The following TLL2 variants were observed in gnomAD, a reference collection of about 807,000 sequenced individuals.
TLL2 encodes the protein tolloid like 2.
TLL2 carries 106 observed loss-of-function variants against 123.0 expected under a neutral mutation model. The ratio of observed to expected loss-of-function variants is 0.86; its 90% CI spans 0.74 to 1.01. TLL2 has a LOEUF of 1.01. Among genes scored for constraint, TLL2 ranks in the 50% least tolerant of loss-of-function variants. The pLI, the probability that TLL2 is intolerant of heterozygous loss-of-function variation, is 0.00. For synonymous variants in TLL2, 494 were observed against 516.8 expected, an observed-to-expected ratio of 0.96 and a Z score of 0.60; for missense variants, 1,332 against 1,336.7, an observed-to-expected ratio of 1.00 and a Z score of 0.06.
intron 2 of TLL2, among the ~76,000 whole-genome samples, chr10:96,447,954 G>A (rs1892216): frequency 0.45 from 68,995 of 151,812 alleles, 16,078 homozygotes; most frequent in East Asian, 0.72. Context: ...GGCTTCCCAC[G>A]CTGCTCAACC....
Position 96,513,514 on chromosome 10 carries a change from C to T in TLL2, c.172G>A (p.Ala58Thr), listed in dbSNP as rs777283565. ...QLEHYHDPCKAAVFWGDIALD... is the reference protein window; with the variant it reads ...QLEHYHDPCKTAVFWGDIALD... The stretch of plus-strand genomic sequence containing the variant: ...CTTCCCCAGCGGCGGCACCTACCGG[C>T]TTTGCAAGGGTCGTGGTAATGCTCC... The change falls in exon 1 of 21, where the codon GCC (alanine) becomes ACC (threonine). Residue 58 changes from alanine (A) to threonine (T), a missense_variant. Coordinates refer to ENST00000357947, the MANE Select transcript of TLL2 (RefSeq NM_012465.4). The T allele has an allele frequency of 2.5e-6, 4 of 1,612,572 alleles. No homozygotes were observed. In the South Asian group the frequency reaches 3.3e-5, roughly 13 times the overall value.
chr10:96,369,384 T>G (rs1358129925), intron 20 of TLL2, among the ~76,000 whole-genome samples: 11 of 152,196 alleles, frequency 7.2e-5, no homozygotes, highest in Non-Finnish European at 1.6e-4. Flanking sequence ...GAGCATTTGG[T>G]TTTGCTTGAG....
At chr10:96,506,382 A>G (rs1847580681) in intron 1 of TLL2, among the ~76,000 whole-genome samples, 1 of 152,004 alleles carries the variant, frequency 6.6e-6, no homozygotes, top group African/African-American at 2.4e-5. Context: ...TGTTCTCCAC[A>G]GTCTGGGGAG....
intron 2 of TLL2, among the ~76,000 whole-genome samples, chr10:96,480,115 C>T (rs1170532297): frequency 6.6e-6 from 1 of 152,196 alleles, no homozygotes; most frequent in South Asian, 2.1e-4. Context: ...GAGCTCCAGC[C>T]TGAACCCTCT....
At chr10:96,488,426 A>G (rs1847377635) in intron 1 of TLL2, among the ~76,000 whole-genome samples, 1 of 152,118 alleles carries the variant, frequency 6.6e-6, no homozygotes, top group African/African-American at 2.4e-5. Flanking sequence ...AGGCCCAGAG[A>G]GCCCCTTCCC....
chr10:96,447,090 TG>T (rs1846903020), intron 2 of TLL2, among the ~76,000 whole-genome samples: 1 of 152,214 alleles, frequency 6.6e-6, no homozygotes, highest in East Asian at 1.9e-4. Flanking sequence ...GTAGGTGGGA[TG>T]GCAGTGAGAT....
chr10:96,377,657 A>G (rs2134053450), intron 17 of TLL2, among the ~76,000 whole-genome samples: 1 of 152,284 alleles, frequency 6.6e-6, no homozygotes, highest in South Asian at 2.1e-4. Flanking sequence ...CTGTATCACA[A>G]ACACGGAGGC....
intron 2 of TLL2, among the ~76,000 whole-genome samples, chr10:96,451,423 T>C (rs1202471003): frequency 2.0e-5 from 3 of 152,220 alleles, no homozygotes; most frequent in Non-Finnish European, 4.4e-5. Flanking sequence ...CAGAAAGAGA[T>C]GGGCTTTTCC....
chr10:96,512,798 A>C (rs1311497842), intron 1 of TLL2, among the ~76,000 whole-genome samples: 1 of 152,206 alleles, frequency 6.6e-6, no homozygotes, highest in Non-Finnish European at 1.5e-5. Context: ...TCACGAGCCG[A>C]TCAGTGGCCC....
At chr10:96,493,677 C>G (rs942893155) in intron 1 of TLL2, among the ~76,000 whole-genome samples, 5 of 152,104 alleles carry the variant, frequency 3.3e-5, no homozygotes, top group Non-Finnish European at 7.4e-5. Context: ...TCAGGAGTCC[C>G]TCATTCTGGT....
intron 2 of TLL2, among the ~76,000 whole-genome samples, chr10:96,453,125 A>G (rs575885832): frequency 8.5e-5 from 13 of 152,346 alleles, no homozygotes; most frequent in African/African-American, 2.9e-4. Context: ...GTAACACTTC[A>G]TGAGGTAATT....
intron 2 of TLL2, among the ~76,000 whole-genome samples, chr10:96,463,631 G>A (rs972243488): frequency 1.3e-5 from 2 of 152,146 alleles, no homozygotes; most frequent in African/African-American, 2.4e-5. Flanking sequence ...CAGGGGGAGG[G>A]GGACACTGGG....
At chr10:96,473,253 G>C (rs12359296) in intron 2 of TLL2, among the ~76,000 whole-genome samples, 1 of 152,018 alleles carries the variant, frequency 6.6e-6, no homozygotes, top group Non-Finnish European at 1.5e-5. Flanking sequence ...TCAGGAGTTC[G>C]AGACCAGCCT....
At chr10:96,410,635 C>T (rs762156364) in intron 8 of TLL2, 161 bp from the exon 9 acceptor site, 3 of 701,618 alleles carry the variant, frequency 4.3e-6, no homozygotes, top group Non-Finnish European at 7.8e-6. Flanking sequence ...TTCTGGCTAA[C>T]AAAAGCACAA....
chr10:96,377,706 C>T lies in TLL2; in HGVS notation c.2321-887G>A, dbSNP rs1027736335. On this transcript the variant is annotated intron_variant, in intron 17 of 20. Coordinates refer to ENST00000357947, the MANE Select transcript of TLL2 (RefSeq NM_012465.4). ...AGCTGGAGAGGCAGGTGAGGAGGGC[C>T]GGGGGCAGGAAGGGGAGGAAACAGC... Among the ~76,000 whole-genome samples the T allele has an allele frequency of 1.9e-4, 29 of 152,136 alleles. No individual in the cohort carries two copies. In the East Asian group the frequency reaches 2.7e-3, roughly 14 times the overall value.
In TLL2 at chr10:96,367,182, A is replaced by G. The variant is rs1297746361; in HGVS notation, c.*906T>C. ...TAAGAGGTCTTTGCACATTTTGCAA[A>G]TGCAGTTTGAATTGGATGTCAAGGA... On this transcript the variant is annotated 3_prime_UTR_variant, in exon 21 of 21. Coordinates refer to ENST00000357947, the MANE Select transcript of TLL2 (RefSeq NM_012465.4). 1 of 152,244 alleles carries G rather than the reference A, an allele frequency of 6.6e-6. No homozygotes were observed. The highest frequency in any genetic ancestry group is 2.4e-5 in the African/African-American group (1 of 41,468). 9.4% of individuals were successfully genotyped at this position (152,244 alleles called of 1,614,324 possible).
chr10:96,384,579 C>T lies in TLL2; in HGVS notation c.2194+8G>A. The T allele has an allele frequency of 6.3e-7, 1 of 1,575,030 alleles. No individual in the cohort carries two copies. The highest frequency in any genetic ancestry group is 8.7e-7 in the Non-Finnish European group (1 of 1,154,912). ...CGCTGCATCAGCCTCACCTCTGAAC[C>T]CGCATACCTGAGAAGAAGTGGGCCC... On this transcript the variant is annotated splice_region_variant and intron_variant, in intron 16 of 20. Coordinates refer to ENST00000357947, the MANE Select transcript of TLL2 (RefSeq NM_012465.4).
intron 2 of TLL2, among the ~76,000 whole-genome samples, chr10:96,465,363 G>C (rs1322199387): frequency 6.6e-6 from 1 of 152,204 alleles, no homozygotes; most frequent in Non-Finnish European, 1.5e-5. Flanking sequence ...GGAGCAGGAA[G>C]AATCTGTCTG....
intron 3 of TLL2, among the ~76,000 whole-genome samples, chr10:96,434,241 C>G (rs1189755479): frequency 6.6e-6 from 1 of 152,168 alleles, no homozygotes; most frequent in East Asian, 1.9e-4. Context: ...GTATACCATT[C>G]AGTGGCTTTT....
Sources: allele counts gnomAD v4.1 joint callset (sites outside exome capture counted in the v4.1 genomes callset), GRCh38; gene constraint gnomAD v4.1.1; transcripts MANE v1.5; gene names NCBI Gene and HGNC (gene_info 2026-07-23, HGNC 2026-07-21).